THOC2: variants seen among roughly 807,000 people sequenced by gnomAD.
The protein encoded by THOC2 is THO complex subunit 2.
A neutral mutation model predicts 128.4 loss-of-function variants in THOC2; 10 were observed. The observed-to-expected ratio is 0.08, with a 90% CI of 0.05 to 0.13. THOC2 has a LOEUF of 0.13. Among genes scored for constraint, THOC2 ranks in the 10% least tolerant of loss-of-function variants. The pLI, the probability that THOC2 is intolerant of heterozygous loss-of-function variation, is 1.00. For synonymous variants in THOC2, 393 were observed against 396.9 expected, an observed-to-expected ratio of 0.99 and a Z score of 0.12; for missense variants, 535 against 1,155.7, an observed-to-expected ratio of 0.46 and a Z score of 7.79.
At chrX:123,716,023 G>GA (rs1303265373) in intron 1 of THOC2, among the ~76,000 whole-genome samples, 1 of 110,964 alleles carries the variant, frequency 9.0e-6, no homozygotes, top group Non-Finnish European at 1.9e-5. Flanking sequence ...TACAAGAAAA[G>GA]AAAATCACAG....
chrX:123,632,101 A>G (rs191107022), intron 21 of THOC2, among the ~76,000 whole-genome samples: 30 of 111,393 alleles, frequency 2.7e-4, no homozygotes, highest in African/African-American at 9.4e-4. Flanking sequence ...CTTTTAGTAG[A>G]ATATATTTAC....
At chrX:123,676,449 C>T (rs1326092555) in intron 8 of THOC2, among the ~76,000 whole-genome samples, 2 of 111,896 alleles carry the variant, frequency 1.8e-5, no homozygotes, top group Non-Finnish European at 3.8e-5. Flanking sequence ...ATTTAAAATG[C>T]CACAGCACTC....
At chrX:123,646,295 G>A (rs1036844143) in intron 12 of THOC2, among the ~76,000 whole-genome samples, 7 of 111,944 alleles carry the variant, frequency 6.3e-5, no homozygotes, top group African/African-American at 1.9e-4. Flanking sequence ...TGTTTGACAA[G>A]GATGTCTATT....
intron 12 of THOC2, among the ~76,000 whole-genome samples, chrX:123,658,144 C>T (rs1022365123): frequency 4.5e-5 from 5 of 110,552 alleles, no homozygotes; most frequent in Admixed American, 9.7e-5. Flanking sequence ...TGTAAATGTA[C>T]ATTGCAAACT....
chrX:123,705,907 A>G (rs1199502940), intron 3 of THOC2, among the ~76,000 whole-genome samples: 3 of 111,580 alleles, frequency 2.7e-5, no homozygotes, highest in Non-Finnish European at 5.7e-5. Context: ...ATATATACAC[A>G]TATATACACA....
intron 21 of THOC2, 96 bp downstream of exon 21, chrX:123,632,765 G>T: frequency 1.4e-6 from 1 of 694,082 alleles, no homozygotes; most frequent in Non-Finnish European, 2.2e-6. Flanking sequence ...ATATTCAAAT[G>T]ATGTGCAAAA....
chrX:123,729,275 A>T (rs2148006044), intron 1 of THOC2, among the ~76,000 whole-genome samples: 1 of 112,098 alleles, frequency 8.9e-6, no homozygotes, highest in African/African-American at 3.2e-5. Context: ...TTAAAAACAT[A>T]ATTGGTATCT....
At chrX:123,638,675 A>AC (rs2047772051) in intron 17 of THOC2, among the ~76,000 whole-genome samples, 1 of 108,444 alleles carries the variant, frequency 9.2e-6, no homozygotes, top group African/African-American at 3.4e-5. Flanking sequence ...ACAAAAAAAA[A>AC]AAGTTGGTAA....
At chrX:123,666,414 G>A (rs777279092) in intron 11 of THOC2, among the ~76,000 whole-genome samples, 1 of 111,364 alleles carries the variant, frequency 9.0e-6, no homozygotes, top group Non-Finnish European at 1.9e-5. Context: ...GTGCCCCACT[G>A]TGGAGTCACA....
chrX:123,633,934 C>T lies in THOC2; in HGVS notation c.2136+19G>A. 9.7e-7 allele frequency: 1 copy of T among 1,031,355 alleles called. No individual in the cohort carries two copies. The highest frequency in any genetic ancestry group is 1.3e-6 in the Non-Finnish European group (1 of 742,580). 85.0% of individuals were successfully genotyped at this position (1,031,355 alleles called of 1,213,427 possible). On this transcript the variant is annotated intron_variant, in intron 20 of 38. Coordinates refer to ENST00000245838, the MANE Select transcript of THOC2 (RefSeq NM_001081550.2). ...ATTATGAATTTTAAAAGTTGATGAA[C>T]AAAAATAGCAATTCTTACCTCAGCT...
intron 38 of THOC2, among the ~76,000 whole-genome samples, chrX:123,609,325 G>A (rs564039252): frequency 1.2e-4 from 14 of 112,063 alleles, no homozygotes; most frequent in Middle Eastern, 4.6e-3. Context: ...TATTAAATTC[G>A]AAATGTTCTT....
rs756682861 is a variant in THOC2, at chrX:123,687,446, C to T, written c.602-732G>A. ...ATTAAACATAGTCCCTAAATGCAAG[C>T]TAACCACTTCATTGGGCTAACAAAT... On this transcript the variant is annotated intron_variant, in intron 7 of 38. Coordinates refer to ENST00000245838, the MANE Select transcript of THOC2 (RefSeq NM_001081550.2). 6.3e-5 allele frequency among the ~76,000 whole-genome samples: 7 copies of T among 111,834 alleles called. No individual in the cohort carries two copies. In the East Asian group the frequency reaches 2.0e-3, roughly 31 times the overall value.
chrX:123,655,224 C>T (rs1289348944), intron 12 of THOC2, among the ~76,000 whole-genome samples: 1 of 111,842 alleles, frequency 8.9e-6, no homozygotes, highest in Non-Finnish European at 1.9e-5. Flanking sequence ...CTAAAACCTT[C>T]GCATTTATTT....
At chrX:123,692,849 G>A (rs2050283119) in intron 7 of THOC2, among the ~76,000 whole-genome samples, 1 of 111,523 alleles carries the variant, frequency 9.0e-6, no homozygotes, top group South Asian at 3.8e-4. Context: ...ATTTATCCTG[G>A]TCAGACCAAG....
At chrX:123,687,852 A>G (rs1469277674) in intron 7 of THOC2, among the ~76,000 whole-genome samples, 1 of 111,712 alleles carries the variant, frequency 9.0e-6, no homozygotes, top group Non-Finnish European at 1.9e-5. Flanking sequence ...ATCATGTCTT[A>G]CTCAAAAAAA....
chrX:123,625,222 G>C (rs2047222490), intron 25 of THOC2, among the ~76,000 whole-genome samples: 1 of 110,677 alleles, frequency 9.0e-6, no homozygotes, highest in Admixed American at 9.6e-5. Flanking sequence ...CTCCTGAGTA[G>C]CTGGGACTAC....
chrX:123,716,963 G>T (rs1354628016), intron 1 of THOC2, among the ~76,000 whole-genome samples: 1 of 110,571 alleles, frequency 9.0e-6, no homozygotes, highest in Non-Finnish European at 1.9e-5. Context: ...ACAAAAAAAG[G>T]CCATAAATAA....
At chrX:123,626,099 G>C (rs1406747568) in intron 24 of THOC2, 30 bp from the exon 25 acceptor site, 8 of 1,092,460 alleles carry the variant, frequency 7.3e-6, no homozygotes, top group Admixed American at 2.4e-5. Flanking sequence ...ATATTAAGTG[G>C]TAAACTTCTT....
In THOC2 at chrX:123,649,056, T is replaced by C. The variant is rs1416076530; in HGVS notation, c.1387-3681A>G. 2.7e-5 allele frequency among the ~76,000 whole-genome samples: 3 copies of C among 111,961 alleles called. No individual in the cohort carries two copies. The East Asian group carries it at 8.5e-4, about 32-fold the overall frequency. ...CCAGCAGGGGTCGACAGACACATCA[T>C]ACAGGAGAGCTCTGGCTGGCATCTG... On this transcript the variant is annotated intron_variant, in intron 12 of 38. Transcript: ENST00000245838.
Sources: allele counts gnomAD v4.1 joint callset (sites outside exome capture counted in the v4.1 genomes callset), GRCh38; gene constraint gnomAD v4.1.1; transcripts MANE v1.5; gene names NCBI Gene and HGNC (gene_info 2026-07-23, HGNC 2026-07-21).